HMCN2: variants seen among roughly 807,000 people sequenced by gnomAD.
HMCN2 encodes the protein hemicentin-2.
Under a neutral mutation model 377.5 loss-of-function variants are expected in HMCN2, and 325 were observed. The observed-to-expected ratio is 0.86, with a 90% CI of 0.79 to 0.94. HMCN2 has a LOEUF of 0.94. Ranked by LOEUF, HMCN2 falls within the 40% of genes least tolerant of loss-of-function variation. The probability of loss-of-function intolerance (pLI) is 0.00; values close to 1 mark genes in which losing one functional copy is unlikely to be tolerated. For synonymous variants in HMCN2, 2,007 were observed against 2,046.8 expected, an observed-to-expected ratio of 0.98 and a Z score of 0.53; for missense variants, 4,543 against 4,725.3, an observed-to-expected ratio of 0.96 and a Z score of 1.13.
Position 130,299,085 on chromosome 9 carries a change from C to T in HMCN2, c.1073C>T (p.Ser358Leu), listed in dbSNP as rs782712196. The T allele has an allele frequency of 1.0e-4, 47 of 471,014 alleles. No homozygotes were observed. The highest frequency in any genetic ancestry group is 7.0e-4 in the Admixed American group (30 of 42,562). 29.2% of individuals were successfully genotyped at this position (471,014 alleles called of 1,614,324 possible). A position where few individuals can be genotyped will look rare whatever the true frequency, so the allele number is the denominator to read the frequency against. ...CTGAAGGCACCCGGCCGCCTAGACTCGGTGGAGCTGGCACAAAGCTCAGGG... is the reference window on the plus strand; with the variant it reads ...CTGAAGGCACCCGGCCGCCTAGACTTGGTGGAGCTGGCACAAAGCTCAGGG... Reference protein sequence around the residue: ...TGLKAPGRLDSVELAQSSGKP... With the variant: ...TGLKAPGRLDLVELAQSSGKP... Residue 358 changes from serine (S) to leucine (L), a missense_variant, in exon 8 of 98, where the codon TCG (serine) becomes TTG (leucine). Coordinates refer to ENST00000683500, the MANE Select transcript of HMCN2 (RefSeq NM_001291815.2).
chr9:130,313,393 C>T (rs1837368953), intron 15 of HMCN2, among the ~76,000 whole-genome samples: 1 of 145,928 alleles, frequency 6.9e-6, no homozygotes, highest in Non-Finnish European at 1.6e-5. Flanking sequence ...GATTACCTTC[C>T]GAGCCTGGCA....
intron 1 of HMCN2, among the ~76,000 whole-genome samples, chr9:130,281,982 G>A (rs1204109660): frequency 6.6e-6 from 1 of 151,996 alleles, no homozygotes; most frequent in Non-Finnish European, 1.5e-5. Context: ...ACATAGCCTG[G>A]CACTTACAAG....
At position 130,418,887 on chromosome 9, in the gene HMCN2, G is replaced by C; in HGVS notation, c.13077G>C (p.Ala4359=). ...EPTPTIEWLQ[A]GQPLRASRRL... is the part of the protein sequence containing the mutation. ...CACCCACCATTGAATGGCTACAGGC[G>C]GGTCAACCCTTGCGGGCCAGCCGGC... is the stretch of plus-strand genomic sequence containing the variant. The change falls in exon 86 of 98, where the codon GCG becomes GCC. Residue 4359 remains alanine (A), a synonymous_variant. Coordinates refer to ENST00000683500, the MANE Select transcript of HMCN2 (RefSeq NM_001291815.2). The C allele has an allele frequency of 6.5e-7, 1 of 1,549,836 alleles. No individual in the cohort carries two copies. The highest frequency in any genetic ancestry group is 2.4e-5 in the East Asian group (1 of 40,900).
In HMCN2 at chr9:130,308,661, G is replaced by A. The variant is rs1262083074; in HGVS notation, c.2200+1095G>A. Among the ~76,000 whole-genome samples the A allele has an allele frequency of 1.3e-5, 2 of 152,112 alleles. No homozygotes were observed. The highest frequency in any genetic ancestry group is 4.8e-5 in the African/African-American group (2 of 41,414). ...CAGCAAGTGGGTGGCACAGGCTTCTGGACTCCTTCCTCACTGCATATTCTG... is the reference window on the plus strand; with the variant it reads ...CAGCAAGTGGGTGGCACAGGCTTCTAGACTCCTTCCTCACTGCATATTCTG... On this transcript the variant is annotated intron_variant, in intron 14 of 97. Coordinates refer to ENST00000683500, the MANE Select transcript of HMCN2 (RefSeq NM_001291815.2). The surrounding 1 kb of genome is among the most constrained non-coding windows in gnomAD (Gnocchi z 4.1).
chr9:130,395,358 G>A lies in HMCN2; in HGVS notation c.10911+11G>A. 1 of 1,284,196 alleles carries A rather than the reference G, an allele frequency of 7.8e-7. No homozygotes were observed. The allele number at this position is 1,284,196 out of a possible 1,614,324, so 79.6% of individuals were successfully genotyped here. ...GGCATTGTGCTGCAGGTGGGCGCCA[G>A]GCAGGGCCCCAGGGTGCTGCCTTCT... is the stretch of plus-strand genomic sequence containing the variant. On this transcript the variant is annotated intron_variant, in intron 71 of 97. Transcript: ENST00000683500.
At position 130,395,354 on chromosome 9, in the gene HMCN2, G is replaced by A. The variant is rs751168354; in HGVS notation, c.10911+7G>A. On this transcript the variant is annotated splice_region_variant and intron_variant, in intron 71 of 97. Transcript: ENST00000683500. ...AGACGGCATTGTGCTGCAGGTGGGC[G>A]CCAGGCAGGGCCCCAGGGTGCTGCC... 3.2e-5 allele frequency: 41 copies of A among 1,283,550 alleles called. No homozygotes were observed. Among genetic ancestry groups the A allele is most frequent in the South Asian group, 5.0e-5 (4 of 80,038 alleles). 79.5% of individuals were successfully genotyped at this position (1,283,550 alleles called of 1,614,324 possible).
chr9:130,382,024 C>T (rs1169190740), intron 54 of HMCN2, among the ~76,000 whole-genome samples, 160 bp from the exon 55 acceptor site: 2 of 152,140 alleles, frequency 1.3e-5, no homozygotes, highest in East Asian at 3.9e-4. Context: ...TGACTCCACT[C>T]CACCCGTGAG....
chr9:130,422,662 G>T lies in HMCN2; in HGVS notation c.13317G>T (p.Met4439Ile). The part of the protein sequence containing the change: ...FGVATLNTSV[M>I]QEAHSGVSSI... ...TGGCCACACTCAACACCAGCGTGAT[G>T]CAGGAGGCACACTCCGGGGTCAGCA... Residue 4439 changes from methionine to isoleucine, a missense_variant, in exon 87 of 98, where the codon ATG becomes ATT. Physicochemically the swap from Met to Ile is conservative, Grantham distance 10. Transcript: ENST00000683500. This position sits in a 1 kb window ranked among gnomAD's most constrained non-coding sequence, Gnocchi z 4.2. 7.6e-7 allele frequency: 1 copy of T among 1,320,446 alleles called. No homozygotes were observed. The allele number at this position is 1,320,446 out of a possible 1,614,324, so 81.8% of individuals were successfully genotyped here.
chr9:130,281,350 C>A (rs1477628120), intron 1 of HMCN2, among the ~76,000 whole-genome samples: 1 of 152,106 alleles, frequency 6.6e-6, no homozygotes, highest in African/African-American at 2.4e-5. Flanking sequence ...GACGCCAGCA[C>A]TTTGGGAGGC....
chr9:130,386,415 C>G (rs1842023974), intron 60 of HMCN2, 28 bp from the exon 61 acceptor site: 5 of 1,290,802 alleles, frequency 3.9e-6, no homozygotes, highest in Non-Finnish European at 5.1e-6. Context: ...CTCCAGCACA[C>G]AGCCACTGTG....
At chr9:130,312,506 TCC>T (rs1196396988) in intron 15 of HMCN2, among the ~76,000 whole-genome samples, 3 of 6,178 alleles carry the variant, frequency 4.9e-4, no homozygotes, top group Admixed American at 1.0e-3. Context: ...TTTCTTTCTG[TCC>T]CTCCCTCCCT....
chr9:130,383,718 G>C (rs1210550332), intron 57 of HMCN2, 118 bp downstream of exon 57: 11 of 329,606 alleles, frequency 3.3e-5, no homozygotes, highest in Non-Finnish European at 4.8e-5. Flanking sequence ...AGGGATCCCA[G>C]CTGGCCCCAG....
At chr9:130,358,605 A>G (rs1840181496) in intron 36 of HMCN2, 119 bp downstream of exon 36, 1 of 888,102 alleles carries the variant, frequency 1.1e-6, no homozygotes, top group Non-Finnish European at 1.6e-6. Context: ...ATAGTTGTGC[A>G]CTTAACTTCA....
intron 4 of HMCN2, among the ~76,000 whole-genome samples, chr9:130,290,615 GCTGGGAGTCCTCAGCCACTGCTCCCTT>G (rs1564751821): frequency 6.6e-6 from 1 of 152,170 alleles, no homozygotes; most frequent in East Asian, 1.9e-4. Context: ...GGCCTCTCCA[GCTGGGAGTCCTCAGCCACTGCTCCCTT>G]CTGTCCACCC....
Position 130,369,561 on chromosome 9 carries a change from C to T in HMCN2, c.6788-9C>T. On this transcript the variant is annotated splice_polypyrimidine_tract_variant and intron_variant, in intron 44 of 97. Coordinates refer to ENST00000683500, the MANE Select transcript of HMCN2 (RefSeq NM_001291815.2). The surrounding 1 kb of genome is among the most constrained non-coding windows in gnomAD (Gnocchi z 4.5). ...CTTTCTCTGATGGGCTTTCTCCCCA[C>T]CCCAACAGTTCCCCCTCAGATTGCC... is the stretch of plus-strand genomic sequence containing the variant. 1 of 985,808 alleles carries T rather than the reference C, an allele frequency of 1.0e-6. No individual in the cohort carries two copies. Among genetic ancestry groups the T allele is most frequent in the East Asian group, 1.1e-4 (1 of 8,810 alleles). The allele number at this position is 985,808 out of a possible 1,614,324, so 61.1% of individuals were successfully genotyped here. A position where few individuals can be genotyped will look rare whatever the true frequency, so the allele number is the denominator to read the frequency against.
chr9:130,431,966 T>C (rs540729532), intron 96 of HMCN2, among the ~76,000 whole-genome samples: 13 of 152,338 alleles, frequency 8.5e-5, no homozygotes, highest in Admixed American at 2.6e-4. Context: ...CCGGTCATGC[T>C]GCTTCCTCCA....
At position 130,348,625 on chromosome 9, in the gene HMCN2, G is replaced by C; in HGVS notation, c.4105G>C (p.Ala1369Pro). ...GCAGTCCCTGACGCTGGAGTGTGAC[G>C]CGAACGGCTTTCCAGTCCCTGAGAT... ...AGQSLTLECD[A>P]NGFPVPEIVW... The change falls in exon 27 of 98, where the codon GCG becomes CCG. Residue 1369 changes from alanine (A) to proline (P), a missense_variant. Ala to Pro is a conservative substitution (Grantham distance 27). Transcript: ENST00000683500. The C allele has an allele frequency of 7.7e-7, 1 of 1,304,230 alleles. No individual in the cohort carries two copies. The highest frequency in any genetic ancestry group is 1.0e-6 in the Non-Finnish European group (1 of 988,938). 80.8% of individuals were successfully genotyped at this position (1,304,230 alleles called of 1,614,324 possible). A position where few individuals can be genotyped will look rare whatever the true frequency, so the allele number is the denominator to read the frequency against.
At chr9:130,432,839 C>A (rs1685053534) in intron 97 of HMCN2, 1 of 496,076 alleles carries the variant, frequency 2.0e-6, no homozygotes, top group African/African-American at 1.9e-5. Context: ...CTCACAGCGG[C>A]CACGGACACT....
intron 19 of HMCN2, among the ~76,000 whole-genome samples, chr9:130,325,310 G>C (rs1838075909): frequency 6.6e-6 from 1 of 151,618 alleles, no homozygotes; most frequent in Admixed American, 6.6e-5. Flanking sequence ...TGGCCAGGCT[G>C]GTCTCGAACT....
Sources: allele counts gnomAD v4.1 joint callset (sites outside exome capture counted in the v4.1 genomes callset), GRCh38; gene constraint gnomAD v4.1.1; non-coding constraint Gnocchi (gnomAD v3.1); transcripts MANE v1.5; gene names NCBI Gene and HGNC (gene_info 2026-07-23, HGNC 2026-07-21).